Variants in CLNK observed in about 807,000 individuals in gnomAD.
CLNK encodes cytokine-dependent hematopoietic cell linker.
CLNK carries 74 observed loss-of-function variants against 68.6 expected under a neutral mutation model. The observed-to-expected ratio is 1.08, with a 90% CI of 0.89 to 1.31. CLNK has a LOEUF of 1.31. Among genes scored for constraint, CLNK ranks in the 50% most tolerant of loss-of-function variants. The pLI, the probability that CLNK is intolerant of heterozygous loss-of-function variation, is 0.00. For missense variants in CLNK, 553 were observed against 515.3 expected, an observed-to-expected ratio of 1.07 and a Z score of -0.71; for synonymous variants, 198 against 172.2, an observed-to-expected ratio of 1.15 and a Z score of -1.17.
chr4:10,687,756 T>C (rs1725319760), upstream of CLNK, among the ~76,000 whole-genome samples: 2 of 152,178 alleles, frequency 1.3e-5, no homozygotes, highest in Admixed American at 1.3e-4. Context: ...CTGCATGTTC[T>C]TGCTTCCTGT....
chr4:10,734,579 G>A, the CLNK span, among the ~76,000 whole-genome samples: 2 of 152,206 alleles, frequency 1.3e-5, no homozygotes, highest in African/African-American at 4.8e-5. Flanking sequence ...ACTTGCAACT[G>A]TATTCACCAT....
the CLNK span, among the ~76,000 whole-genome samples, chr4:10,702,646 G>A: frequency 6.6e-6 from 1 of 152,198 alleles, no homozygotes; most frequent in South Asian, 2.1e-4. Flanking sequence ...TAGTCGCGCA[G>A]TCCAAGTCCT....
the CLNK span, among the ~76,000 whole-genome samples, chr4:10,699,490 CTCTCTA>C: frequency 0.025 from 1,329 of 52,134 alleles, 18 homozygotes; most frequent in East Asian, 0.086. Context: ...CTCTCTCTCT[CTCTCTA>C]TATATATATA....
At chr4:10,548,826 T>A (rs997475419) in intron 8 of CLNK, among the ~76,000 whole-genome samples, 1 of 152,230 alleles carries the variant, frequency 6.6e-6, no homozygotes, top group African/African-American at 2.4e-5. Flanking sequence ...AAAAATTAGT[T>A]TAATCAATGC....
At chr4:10,609,487 A>ACAGT (rs1217958910) in intron 2 of CLNK, among the ~76,000 whole-genome samples, 1 of 152,232 alleles carries the variant, frequency 6.6e-6, no homozygotes, top group Admixed American at 6.5e-5. Flanking sequence ...TGCCACCTGC[A>ACAGT]CAGTCATCAT....
intron 18 of CLNK, among the ~76,000 whole-genome samples, chr4:10,493,831 A>C (rs1444556972): frequency 2.0e-5 from 3 of 152,206 alleles, no homozygotes; most frequent in Non-Finnish European, 2.9e-5. Context: ...TGTGACTGTC[A>C]GCAAGTTTCT....
chr4:10,517,941 T>C (rs1467721956), intron 15 of CLNK, among the ~76,000 whole-genome samples: 1 of 152,214 alleles, frequency 6.6e-6, no homozygotes, highest in Non-Finnish European at 1.5e-5. Context: ...AAATTCTGAC[T>C]ATGTAACTCA....
At chr4:10,716,022 T>C in the CLNK span, among the ~76,000 whole-genome samples, 3 of 152,208 alleles carry the variant, frequency 2.0e-5, no homozygotes, top group South Asian at 6.2e-4. Context: ...GAAAGTTTTT[T>C]AATAATATAT....
intron 1 of CLNK, among the ~76,000 whole-genome samples, chr4:10,673,418 C>G (rs576424319): frequency 6.6e-5 from 10 of 152,090 alleles, no homozygotes; most frequent in African/African-American, 2.4e-4. Flanking sequence ...TTGAATAGGA[C>G]AAATGTCCAT....
In CLNK at chr4:10,496,033, A is replaced by G. The variant is rs74817920; in HGVS notation, c.1140+5223T>C. 2.0e-3 allele frequency among the ~76,000 whole-genome samples: 298 copies of G among 152,294 alleles called. 1 individual carries two copies. Among genetic ancestry groups the G allele is most frequent in the African/African-American group, 6.9e-3 (287 of 41,554 alleles). On this transcript the variant is annotated intron_variant, in intron 18 of 18. Transcript: ENST00000226951. Reference sequence around the variant, plus strand: ...TGGCCTCCAGCACTGTGAAACAAGAAATTTCAGTTGTTTTAAACTGCAAAG... The same window carrying G: ...TGGCCTCCAGCACTGTGAAACAAGAGATTTCAGTTGTTTTAAACTGCAAAG...
chr4:10,493,413 G>A (rs544395969), intron 18 of CLNK, among the ~76,000 whole-genome samples: 2 of 152,166 alleles, frequency 1.3e-5, no homozygotes, highest in African/African-American at 2.4e-5. Flanking sequence ...GTCCAAGATC[G>A]AGGCACTGGC....
intron 3 of CLNK, among the ~76,000 whole-genome samples, chr4:10,587,546 T>G (rs948638127): frequency 6.6e-6 from 1 of 152,220 alleles, no homozygotes. Context: ...GTCTCTTCGG[T>G]GTCTGGGACG....
intron 16 of CLNK, among the ~76,000 whole-genome samples, chr4:10,512,890 T>C (rs1191600045): frequency 6.6e-6 from 1 of 151,218 alleles, no homozygotes; most frequent in Non-Finnish European, 1.5e-5. Flanking sequence ...AAATAACCAA[T>C]TGTAGTGAAT....
intron 2 of CLNK, among the ~76,000 whole-genome samples, chr4:10,646,835 G>A (rs548191414): frequency 6.6e-6 from 1 of 152,226 alleles, no homozygotes; most frequent in Non-Finnish European, 1.5e-5. Flanking sequence ...CATGTTCCTA[G>A]AGCAACTCTG....
the CLNK span, among the ~76,000 whole-genome samples, chr4:10,707,101 C>T: frequency 1.3e-5 from 2 of 152,150 alleles, no homozygotes; most frequent in South Asian, 2.1e-4. Context: ...TTAACTCAAG[C>T]GTTTCTTGAT....
At chr4:10,610,580 C>A (rs933155591) in intron 2 of CLNK, among the ~76,000 whole-genome samples, 6 of 152,002 alleles carry the variant, frequency 3.9e-5, no homozygotes, top group Non-Finnish European at 8.8e-5. Context: ...ATGCTTTCTC[C>A]TTTTTTTCTC....
chr4:10,490,673 A>G (rs542868298), intron 18 of CLNK, 60 bp from the exon 19 acceptor site: 18 of 1,393,442 alleles, frequency 1.3e-5, no homozygotes, highest in Non-Finnish European at 1.7e-5. Context: ...TGTAGGTTAA[A>G]GTATAGCCAA....
At chr4:10,604,489 G>A (rs1301978548) in intron 2 of CLNK, among the ~76,000 whole-genome samples, 1 of 152,062 alleles carries the variant, frequency 6.6e-6, no homozygotes, top group African/African-American at 2.4e-5. Flanking sequence ...CTGGGGTCAT[G>A]ATACACCATG....
At chr4:10,713,929 T>C in the CLNK span, among the ~76,000 whole-genome samples, 3 of 152,322 alleles carry the variant, frequency 2.0e-5, no homozygotes, top group African/African-American at 2.4e-5. Flanking sequence ...AATGCAATCC[T>C]TTTTTAGACA....
Sources: allele counts gnomAD v4.1 joint callset (sites outside exome capture counted in the v4.1 genomes callset), GRCh38; gene constraint gnomAD v4.1.1; transcripts MANE v1.5; gene names NCBI Gene and HGNC (gene_info 2026-07-23, HGNC 2026-07-21).